The following ANGPT1 variants were observed in gnomAD, a reference collection of about 807,000 sequenced individuals.
The protein encoded by ANGPT1 is angiopoietin 1.
In ANGPT1, 17 loss-of-function variants were observed where a neutral mutation model predicts 62.2. The ratio of observed to expected loss-of-function variants is 0.27; its 90% CI spans 0.19 to 0.41. The LOEUF (loss-of-function observed/expected upper bound fraction) is 0.41, where lower values mean the gene tolerates loss of function less well. Among genes scored for constraint, ANGPT1 ranks in the 10% least tolerant of loss-of-function variants. ANGPT1 has a pLI of 1.00. For missense variants in ANGPT1, 478 were observed against 594.9 expected, an observed-to-expected ratio of 0.80 and a Z score of 2.04; for synonymous variants, 199 against 198.9, an observed-to-expected ratio of 1.00 and a Z score of 0.00.
intron 1 of ANGPT1, among the ~76,000 whole-genome samples, chr8:107,366,089 A>G (rs539237402): frequency 1.3e-5 from 2 of 152,318 alleles, no homozygotes; most frequent in East Asian, 1.9e-4. Context: ...GTTCAGTTAC[A>G]AAACACTGAA....
Position 107,250,538 on chromosome 8 carries a change from TGAA to T in ANGPT1, c.*1314_*1316del, listed in dbSNP as rs1424567918. ...GGGAATGGACTGAAGGAGAAATATA[TGAA>T]GAATGATGTATTTCATTAAGGGATA... On this transcript the variant is annotated 3_prime_UTR_variant, in exon 9 of 9. Transcript: ENST00000517746. The T allele has an allele frequency of 6.6e-6, 1 of 152,132 alleles. No individual in the cohort carries two copies. Among genetic ancestry groups the T allele is most frequent in the Non-Finnish European group, 1.5e-5 (1 of 68,000 alleles). 9.4% of individuals were successfully genotyped at this position (152,132 alleles called of 1,614,324 possible).
At chr8:107,344,759 G>C (rs1006607724) in intron 2 of ANGPT1, among the ~76,000 whole-genome samples, 4 of 152,192 alleles carry the variant, frequency 2.6e-5, no homozygotes, top group African/African-American at 9.7e-5. Flanking sequence ...GTGAAGCCAA[G>C]TTAGATGAAT....
At chr8:107,325,693 T>C (rs1022174958) in intron 3 of ANGPT1, among the ~76,000 whole-genome samples, 10 of 152,290 alleles carry the variant, frequency 6.6e-5, no homozygotes, top group African/African-American at 2.4e-4. Context: ...TTTTAGAGAA[T>C]AAAAACCTCA....
At chr8:107,288,021 G>A (rs1396723724) in intron 6 of ANGPT1, among the ~76,000 whole-genome samples, 2 of 152,014 alleles carry the variant, frequency 1.3e-5, no homozygotes, top group African/African-American at 4.8e-5. Flanking sequence ...AGTCATATGT[G>A]GGGAAACAAG....
chr8:107,358,014 C>A (rs914722702), intron 1 of ANGPT1, among the ~76,000 whole-genome samples: 3 of 151,994 alleles, frequency 2.0e-5, no homozygotes, highest in Non-Finnish European at 4.4e-5. Context: ...TCTGAAATAT[C>A]TTGTTTATGG....
chr8:107,471,286 G>A (rs373130008), intron 1 of ANGPT1, among the ~76,000 whole-genome samples: 61 of 151,998 alleles, frequency 4.0e-4, no homozygotes, highest in Middle Eastern at 3.4e-3. Context: ...TCAGCTTTCT[G>A]TGCAAACTAA....
intron 1 of ANGPT1, among the ~76,000 whole-genome samples, chr8:107,367,646 A>G (rs1816304338): frequency 6.6e-6 from 1 of 152,174 alleles, no homozygotes; most frequent in Non-Finnish European, 1.5e-5. Flanking sequence ...AATGGGACTC[A>G]ATCCTCTGAA....
intron 1 of ANGPT1, among the ~76,000 whole-genome samples, chr8:107,438,990 T>A (rs891752857): frequency 1.3e-5 from 2 of 152,208 alleles, no homozygotes; most frequent in Non-Finnish European, 2.9e-5. Context: ...CATGTTCACA[T>A]ATATAGAGTC....
chr8:107,323,693 T>C (rs775234196), intron 3 of ANGPT1, among the ~76,000 whole-genome samples: 6 of 152,192 alleles, frequency 3.9e-5, no homozygotes, highest in South Asian at 4.1e-4. Context: ...ATGTCAATCA[T>C]ACTAGTCATG....
chr8:107,326,287 T>C (rs964739443), intron 3 of ANGPT1, among the ~76,000 whole-genome samples: 28 of 152,268 alleles, frequency 1.8e-4, no homozygotes, highest in African/African-American at 6.7e-4. Context: ...ACATTGTTTC[T>C]CTAATGGCAA....
chr8:107,443,158 CT>C (rs890545816), intron 1 of ANGPT1, among the ~76,000 whole-genome samples: 1 of 152,128 alleles, frequency 6.6e-6, no homozygotes, highest in African/African-American at 2.4e-5. Flanking sequence ...TCTTAGCTGT[CT>C]TCCTTTGGGG....
intron 1 of ANGPT1, among the ~76,000 whole-genome samples, chr8:107,490,178 G>A (rs1274330953): frequency 6.6e-6 from 1 of 152,118 alleles, no homozygotes; most frequent in Non-Finnish European, 1.5e-5. Context: ...AAATGACAGG[G>A]GGGAAAGGTT....
At chr8:107,386,009 T>A (rs1037490692) in intron 1 of ANGPT1, among the ~76,000 whole-genome samples, 1 of 151,842 alleles carries the variant, frequency 6.6e-6, no homozygotes, top group Non-Finnish European at 1.5e-5. Context: ...GCTTTAACGG[T>A]GGACTGAATA....
At chr8:107,435,626 G>A (rs895594883) in intron 1 of ANGPT1, among the ~76,000 whole-genome samples, 2 of 152,332 alleles carry the variant, frequency 1.3e-5, no homozygotes. Flanking sequence ...GAGCTGACAT[G>A]CTAAGAAGGG....
chr8:107,361,486 G>A (rs1816161700), intron 1 of ANGPT1, among the ~76,000 whole-genome samples: 1 of 147,190 alleles, frequency 6.8e-6, no homozygotes, highest in South Asian at 2.1e-4. Context: ...ACATACATAT[G>A]TATCTGTGTA....
chr8:107,418,219 C>T (rs535905036), intron 1 of ANGPT1, among the ~76,000 whole-genome samples: 10 of 152,192 alleles, frequency 6.6e-5, no homozygotes, highest in African/African-American at 2.2e-4. Flanking sequence ...GGGTGGAAAA[C>T]AGTAATTTAC....
At chr8:107,335,496 C>G (rs1815538085) in intron 3 of ANGPT1, among the ~76,000 whole-genome samples, 1 of 152,148 alleles carries the variant, frequency 6.6e-6, no homozygotes, top group Non-Finnish European at 1.5e-5. Context: ...TTCATTGTCC[C>G]AGCATTCAAG....
In ANGPT1 at chr8:107,418,245, T is replaced by A. The variant is rs1305602059; in HGVS notation, c.298-71148A>T. 2.6e-5 allele frequency among the ~76,000 whole-genome samples: 4 copies of A among 152,338 alleles called. No individual in the cohort carries two copies. In the East Asian group the frequency reaches 7.7e-4, roughly 29 times the overall value. ...AGTAATTTACTTTATCTTCTCTAGA[T>A]AAACCCCCGTCACCATTTTACCATT... On this transcript the variant is annotated intron_variant, in intron 1 of 8. Coordinates refer to ENST00000517746, the MANE Select transcript of ANGPT1 (RefSeq NM_001146.5).
intron 1 of ANGPT1, among the ~76,000 whole-genome samples, chr8:107,370,700 C>CAAAAAAAAAA (rs71308729): frequency 7.9e-5 from 6 of 75,574 alleles, no homozygotes; most frequent in Non-Finnish European, 1.4e-4. Context: ...AAGACTCTGT[C>CAAAAAAAAAA]AAAAAAAAAA....
Sources: allele counts gnomAD v4.1 joint callset (sites outside exome capture counted in the v4.1 genomes callset), GRCh38; gene constraint gnomAD v4.1.1; transcripts MANE v1.5; gene names NCBI Gene and HGNC (gene_info 2026-07-23, HGNC 2026-07-21).